GLG1: variants seen among roughly 807,000 people sequenced by gnomAD.
GLG1 encodes golgi glycoprotein 1.
A neutral mutation model predicts 160.5 loss-of-function variants in GLG1; 38 were observed. That is an observed-to-expected ratio of 0.24 (90% CI 0.18 to 0.31). GLG1 has a LOEUF of 0.31. Ranked by LOEUF, GLG1 falls within the 10% of genes least tolerant of loss-of-function variation. The probability of loss-of-function intolerance (pLI) is 1.00; values close to 1 mark genes in which losing one functional copy is unlikely to be tolerated. For synonymous variants in GLG1, 644 were observed against 543.4 expected, an observed-to-expected ratio of 1.19 and a Z score of -2.57; for missense variants, 1,373 against 1,505.2, an observed-to-expected ratio of 0.91 and a Z score of 1.45.
At chr16:74,492,870 G>T (rs539940774) in intron 7 of GLG1, 87 bp downstream of exon 7, 2 of 669,878 alleles carry the variant, frequency 3.0e-6, no homozygotes, top group Non-Finnish European at 4.4e-6. Flanking sequence ...AATATGGGAG[G>T]AAACTAACGT....
At chr16:74,458,043 T>C in intron 23 of GLG1, 49 bp from the exon 24 acceptor site, 2 of 1,592,548 alleles carry the variant, frequency 1.3e-6, no homozygotes, top group Non-Finnish European at 1.7e-6. Flanking sequence ...GGGAAATGCA[T>C]CAGATCTGTT....
intron 1 of GLG1, among the ~76,000 whole-genome samples, chr16:74,538,826 AG>A (rs909755927): frequency 1.9e-4 from 28 of 148,682 alleles, no homozygotes; most frequent in African/African-American, 5.7e-4. Flanking sequence ...TGGAGTTTTT[AG>A]GGGGAAAGGA....
intron 2 of GLG1, among the ~76,000 whole-genome samples, chr16:74,530,024 G>C (rs2017482512): frequency 6.6e-6 from 1 of 151,644 alleles, no homozygotes; most frequent in African/African-American, 2.4e-5. Context: ...GGCCAGGCTG[G>C]TCTCAAACTC....
chr16:74,470,123 C>A, intron 15 of GLG1, 50 bp from the exon 16 acceptor site: 1 of 1,132,064 alleles, frequency 8.8e-7, no homozygotes, highest in South Asian at 1.2e-5. Context: ...AACTTGTGGT[C>A]AGTAGTGGTA....
chr16:74,558,603 G>C (rs1054020515), intron 1 of GLG1, among the ~76,000 whole-genome samples: 2 of 152,202 alleles, frequency 1.3e-5, no homozygotes, highest in African/African-American at 4.8e-5. Flanking sequence ...TTCAGGACTT[G>C]AGAACCTTAA....
intron 3 of GLG1, among the ~76,000 whole-genome samples, chr16:74,507,694 C>T (rs186371531): frequency 6.6e-6 from 1 of 151,996 alleles, no homozygotes; most frequent in East Asian, 1.9e-4. Flanking sequence ...CAAGGTGGCA[C>T]CACTGCACTC....
In GLG1 at chr16:74,468,996, T is replaced by C. The variant is rs2015101496; in HGVS notation, c.2386A>G (p.Arg796Gly). The change falls in exon 17 of 26, where the codon AGG becomes GGG. Residue 796 changes from arginine (R) to glycine (G), a missense_variant. Arg to Gly is a moderately radical substitution (Grantham distance 125). Coordinates refer to ENST00000422840, the MANE Select transcript of GLG1 (RefSeq NM_001145667.2). ...TGCCTGCGGCACTTCAGGGACACCC[T>C]GTGCTCCTTGGCTTCCTGCAGAGTG... ...NDTLQEAKEH[R>G]VSLKCRRQLR... 1 of 1,613,842 alleles carries C rather than the reference T, an allele frequency of 6.2e-7. No homozygotes were observed. Among genetic ancestry groups the C allele is most frequent in the African/African-American group, 1.3e-5 (1 of 74,944 alleles).
chr16:74,513,972 G>A (rs2016895904), intron 2 of GLG1, among the ~76,000 whole-genome samples: 1 of 152,162 alleles, frequency 6.6e-6, no homozygotes, highest in Non-Finnish European at 1.5e-5. Flanking sequence ...GAAAACCACA[G>A]TACGAGAACT....
intron 1 of GLG1, among the ~76,000 whole-genome samples, chr16:74,585,957 G>C (rs1278194541): frequency 4.6e-5 from 7 of 151,394 alleles, no homozygotes; most frequent in Non-Finnish European, 7.4e-5. Context: ...CAGCTACTTG[G>C]GGGGCCGAAG....
At chr16:74,548,857 G>A (rs1420281641) in intron 1 of GLG1, among the ~76,000 whole-genome samples, 1 of 152,092 alleles carries the variant, frequency 6.6e-6, no homozygotes, top group Non-Finnish European at 1.5e-5. Flanking sequence ...TTAGCTGGGC[G>A]TGGTGGCAGG....
intron 17 of GLG1, chr16:74,468,128 C>A: frequency 3.9e-6 from 1 of 254,790 alleles, no homozygotes; most frequent in East Asian, 7.4e-5. Flanking sequence ...TTTGGAAAGT[C>A]AAAACCATTA....
At chr16:74,462,434 C>G in intron 21 of GLG1, 54 bp downstream of exon 21, 1 of 1,524,074 alleles carries the variant, frequency 6.6e-7, no homozygotes, top group Non-Finnish European at 9.0e-7. Flanking sequence ...GAGAAAATTC[C>G]CAGGGACAGA....
intron 2 of GLG1, among the ~76,000 whole-genome samples, chr16:74,522,062 C>T (rs1360858056): frequency 6.6e-6 from 1 of 152,188 alleles, no homozygotes; most frequent in East Asian, 1.9e-4. Context: ...TAAAATTTAC[C>T]AATCAGGGTC....
chr16:74,484,247 C>T (rs955090554), intron 9 of GLG1, among the ~76,000 whole-genome samples: 1 of 152,162 alleles, frequency 6.6e-6, no homozygotes, highest in African/African-American at 2.4e-5. Flanking sequence ...ACTATACTCA[C>T]TTTGTTGTTG....
intron 2 of GLG1, among the ~76,000 whole-genome samples, chr16:74,520,477 G>A (rs7203191): frequency 0.94 from 142,499 of 152,182 alleles, 67,018 homozygotes; most frequent in East Asian, 1. Context: ...TCTCTACTAA[G>A]AATACAAAAT....
intron 1 of GLG1, among the ~76,000 whole-genome samples, chr16:74,550,969 A>G (rs1297972588): frequency 6.6e-6 from 1 of 152,174 alleles, no homozygotes; most frequent in Non-Finnish European, 1.5e-5. Flanking sequence ...AAGCTGATCT[A>G]ATGTCTGAAG....
At chr16:74,455,046 C>T (rs59462128) in intron 25 of GLG1, among the ~76,000 whole-genome samples, 1,702 of 152,146 alleles carry the variant, frequency 0.011, 34 homozygotes, top group African/African-American at 0.039. Flanking sequence ...GAGCCATGTT[C>T]ACACCACTGC....
intron 1 of GLG1, among the ~76,000 whole-genome samples, chr16:74,542,764 A>G (rs1237119744): frequency 2.6e-5 from 3 of 117,372 alleles, no homozygotes; most frequent in African/African-American, 9.7e-5. Flanking sequence ...GAAGGAAGGA[A>G]GGAAGGAAGG....
intron 1 of GLG1, among the ~76,000 whole-genome samples, chr16:74,572,440 G>A (rs1341309939): frequency 2.0e-5 from 3 of 151,672 alleles, no homozygotes; most frequent in Non-Finnish European, 4.4e-5. Flanking sequence ...GAACTTGGGA[G>A]GCGGAGGTTG....
Sources: allele counts gnomAD v4.1 joint callset (sites outside exome capture counted in the v4.1 genomes callset), GRCh38; gene constraint gnomAD v4.1.1; transcripts MANE v1.5; gene names NCBI Gene and HGNC (gene_info 2026-07-23, HGNC 2026-07-21).